The following SWAP70 variants were observed in gnomAD, a reference collection of about 807,000 sequenced individuals.
The protein encoded by SWAP70 is switch-associated protein 70.
In SWAP70, 34 loss-of-function variants were observed where a neutral mutation model predicts 80.2. That is an observed-to-expected ratio of 0.42 (90% confidence interval 0.32 to 0.56). The LOEUF is 0.56. Among genes scored for constraint, SWAP70 ranks in the 20% least tolerant of loss-of-function variants. The probability of loss-of-function intolerance (pLI) is 0.09; values close to 1 mark genes in which losing one functional copy is unlikely to be tolerated. For missense variants in SWAP70, 578 were observed against 690.7 expected (o/e 0.84, Z 1.83); for synonymous variants, 239 against 238.5 (o/e 1.00, Z -0.02).
At chr11:9,721,871 T>C (rs762394513) in intron 3 of SWAP70, among the ~76,000 whole-genome samples, 1 of 152,218 alleles carries the variant, frequency 6.6e-6, no homozygotes, top group Non-Finnish European at 1.5e-5. Context: ...CAAAAAACAT[T>C]ATAACCAAAT....
intron 2 of SWAP70, among the ~76,000 whole-genome samples, chr11:9,696,373 A>G (rs1850757171): frequency 1.3e-5 from 2 of 152,228 alleles, no homozygotes; most frequent in African/African-American, 4.8e-5. Context: ...CAGTTAATAC[A>G]GAAATATGTG....
At chr11:9,675,342 GGAGCGAGAGAGAGAGAGA>G (rs1850478030) in intron 1 of SWAP70, among the ~76,000 whole-genome samples, 1 of 11,910 alleles carries the variant, frequency 8.4e-5, no homozygotes, top group African/African-American at 1.7e-4. Context: ...AGAGAGAGAG[GGAGCGAGAGAGAGAGAGA>G]GAGAGAGAGA....
At chr11:9,699,516 A>G (rs1245598329) in intron 2 of SWAP70, among the ~76,000 whole-genome samples, 9 of 152,154 alleles carry the variant, frequency 5.9e-5, no homozygotes, top group Admixed American at 1.3e-4. Flanking sequence ...CAATAAAACT[A>G]TAGAACACAA....
intron 1 of SWAP70, among the ~76,000 whole-genome samples, chr11:9,674,968 CAA>C (rs777668072): frequency 2.6e-5 from 3 of 116,798 alleles, no homozygotes. Context: ...GACTCCGTCT[CAA>C]AAAAAAAAAA....
chr11:9,705,049 T>A lies in SWAP70; in HGVS notation c.241-8417T>A, dbSNP rs577671240. ...ATCTGTATACACTTGGTGATCTGTA[T>A]ACACTGGTGATCTGTATACACTGGT... On this transcript the variant is annotated intron_variant, in intron 2 of 11. Transcript: ENST00000318950. Among the ~76,000 whole-genome samples the A allele has an allele frequency of 4.6e-5, 6 of 129,118 alleles. 1 individual carries two copies. The highest frequency in any genetic ancestry group is 2.3e-4 in the African/African-American group (6 of 26,242). 84.7% of individuals were successfully genotyped at this position (129,118 alleles called of 152,430 possible). A position where few individuals can be genotyped will look rare whatever the true frequency, so the allele number is the denominator to read the frequency against.
intron 1 of SWAP70, among the ~76,000 whole-genome samples, chr11:9,676,068 A>G (rs1022827071): frequency 3.3e-5 from 5 of 152,236 alleles, no homozygotes; most frequent in South Asian, 4.1e-4. Context: ...GTAGATAGCA[A>G]TAGGCTAATA....
intron 1 of SWAP70, among the ~76,000 whole-genome samples, chr11:9,676,213 T>C (rs1850498803): frequency 6.6e-6 from 1 of 152,230 alleles, no homozygotes; most frequent in Non-Finnish European, 1.5e-5. Flanking sequence ...GTATATTCTG[T>C]GTTAACTGAT....
chr11:9,710,513 G>A (rs1565123174), intron 2 of SWAP70, among the ~76,000 whole-genome samples: 1 of 151,976 alleles, frequency 6.6e-6, no homozygotes, highest in East Asian at 1.9e-4. Context: ...GTGAAACTTC[G>A]GCCTGCGGAC....
intron 2 of SWAP70, among the ~76,000 whole-genome samples, chr11:9,701,119 A>G (rs1850825305): frequency 6.6e-6 from 1 of 151,588 alleles, no homozygotes; most frequent in Non-Finnish European, 1.5e-5. Context: ...CTGAGACTTC[A>G]AATGATTAAC....
chr11:9,716,082 C>T (rs1181109206), intron 3 of SWAP70, among the ~76,000 whole-genome samples: 1 of 152,170 alleles, frequency 6.6e-6, no homozygotes, highest in African/African-American at 2.4e-5. Flanking sequence ...AAGAATGATA[C>T]ATGTCCTTTC....
At chr11:9,671,707 C>A (rs1259740758) in intron 1 of SWAP70, among the ~76,000 whole-genome samples, 39 of 95,308 alleles carry the variant, frequency 4.1e-4, no homozygotes, top group African/African-American at 1.2e-3. Context: ...TCTATGTATA[C>A]ATAGAAATAT....
At chr11:9,722,424 G>T (rs1470426503) in intron 3 of SWAP70, among the ~76,000 whole-genome samples, 1 of 152,242 alleles carries the variant, frequency 6.6e-6, no homozygotes, top group African/African-American at 2.4e-5. Flanking sequence ...CCTGGGTTAG[G>T]GTTGGTCAGA....
intron 9 of SWAP70, 99 bp downstream of exon 9, chr11:9,740,446 T>G: frequency 7.9e-7 from 1 of 1,270,858 alleles, no homozygotes; most frequent in Non-Finnish European, 1.1e-6. Context: ...GAGAAGTGTC[T>G]CTGCTCTGGC....
At chr11:9,704,146 A>G (rs1043108959) in intron 2 of SWAP70, among the ~76,000 whole-genome samples, 1 of 152,144 alleles carries the variant, frequency 6.6e-6, no homozygotes, top group African/African-American at 2.4e-5. Context: ...AGTATGTTCT[A>G]TAATATTTTA....
intron 1 of SWAP70, among the ~76,000 whole-genome samples, chr11:9,680,489 C>T (rs1850553650): frequency 6.6e-6 from 1 of 152,136 alleles, no homozygotes; most frequent in Non-Finnish European, 1.5e-5. Context: ...GATCTTGGCT[C>T]ACTGCAACCT....
At chr11:9,722,941 T>A (rs1564828429) in intron 3 of SWAP70, among the ~76,000 whole-genome samples, 1 of 152,202 alleles carries the variant, frequency 6.6e-6, no homozygotes. Context: ...CCCTTTACAG[T>A]AAAAGTTTGC....
At chr11:9,747,735 G>A in intron 9 of SWAP70, 123 bp from the exon 10 acceptor site, 1 of 904,286 alleles carries the variant, frequency 1.1e-6, no homozygotes, top group South Asian at 1.5e-5. Flanking sequence ...CTTTCCTCCT[G>A]GTGGAATGAA....
intron 8 of SWAP70, 26 bp downstream of exon 8, chr11:9,738,346 C>T (rs757125013): frequency 1.6e-5 from 25 of 1,542,398 alleles, no homozygotes; most frequent in Non-Finnish European, 2.2e-5. Flanking sequence ...CTGGAGAAAG[C>T]AGCTGCAGTA....
chr11:9,704,408 C>T (rs2645020), intron 2 of SWAP70, among the ~76,000 whole-genome samples: 15,374 of 97,270 alleles, frequency 0.16, 1,529 homozygotes, highest in African/African-American at 0.28. Context: ...TTTTATTTTA[C>T]TTTTTTGAGA....
Sources: allele counts gnomAD v4.1 joint callset (sites outside exome capture counted in the v4.1 genomes callset), GRCh38; gene constraint gnomAD v4.1.1; transcripts MANE v1.5; gene names NCBI Gene and HGNC (gene_info 2026-07-23, HGNC 2026-07-21).